ITGA11: variants seen among roughly 807,000 people sequenced by gnomAD.
The protein encoded by ITGA11 is integrin subunit alpha 11.
Under a neutral mutation model 141.9 loss-of-function variants are expected in ITGA11, and 97 were observed. The ratio of observed to expected loss-of-function variants is 0.68; its 90% CI spans 0.58 to 0.81. The LOEUF (loss-of-function observed/expected upper bound fraction) is 0.81. ITGA11 is among the 30% of genes least tolerant of loss of function. The pLI is 0.00. For synonymous variants in ITGA11, 658 were observed against 624.6 expected, an observed-to-expected ratio of 1.05 and a Z score of -0.80; for missense variants, 1,387 against 1,559.2, an observed-to-expected ratio of 0.89 and a Z score of 1.86.
intron 1 of ITGA11, among the ~76,000 whole-genome samples, chr15:68,416,926 A>C (rs984847828): frequency 2.0e-5 from 3 of 152,230 alleles, no homozygotes; most frequent in Admixed American, 2.0e-4. Context: ...CGTAAAAAAC[A>C]AAAACAAGGG....
intron 1 of ITGA11, among the ~76,000 whole-genome samples, chr15:68,430,855 A>C (rs1362092942): frequency 6.6e-6 from 1 of 152,200 alleles, no homozygotes; most frequent in Non-Finnish European, 1.5e-5. Flanking sequence ...CTGTAGGCCG[A>C]CAGGAGGGTG....
At chr15:68,390,846 GTTC>G (rs1440416603) in intron 2 of ITGA11, among the ~76,000 whole-genome samples, 2 of 152,218 alleles carry the variant, frequency 1.3e-5, no homozygotes, top group Non-Finnish European at 2.9e-5. Context: ...TTCTCCCAAG[GTTC>G]TTCTTCCACG....
At chr15:68,423,294 GC>G (rs1338728797) in intron 1 of ITGA11, among the ~76,000 whole-genome samples, 1 of 152,122 alleles carries the variant, frequency 6.6e-6, no homozygotes, top group Non-Finnish European at 1.5e-5. Flanking sequence ...CACAAGTGGG[GC>G]CCCACCTGAC....
chr15:68,413,030 G>A (rs181978465), intron 1 of ITGA11, among the ~76,000 whole-genome samples: 1 of 152,220 alleles, frequency 6.6e-6, no homozygotes, highest in African/African-American at 2.4e-5. Flanking sequence ...TAATCTATTA[G>A]CCTCCAAACT....
At chr15:68,391,209 G>A (rs1896112061) in intron 2 of ITGA11, among the ~76,000 whole-genome samples, 1 of 152,140 alleles carries the variant, frequency 6.6e-6, no homozygotes, top group Non-Finnish European at 1.5e-5. Flanking sequence ...AGCTCTCGGG[G>A]TCCCCAAGGC....
Position 68,297,946 on chromosome 15 carries a change from C to T in ITGA11, c.*5113G>A, listed in dbSNP as rs1346511194. The T allele has an allele frequency of 6.6e-6, 1 of 152,182 alleles. No homozygotes were observed. The highest frequency in any genetic ancestry group is 1.9e-4 in the East Asian group (1 of 5,200). The allele number at this position is 152,182 out of a possible 1,614,324, so 9.4% of individuals were successfully genotyped here. The stretch of plus-strand genomic sequence containing the variant: ...TGAGAGTAGGCTCTGGGTCTCTTGA[C>T]CCACTGAACAGTGCTCTTTCACTGT... On this transcript the variant is annotated 3_prime_UTR_variant, in exon 30 of 30. Coordinates refer to ENST00000315757, the MANE Select transcript of ITGA11 (RefSeq NM_001004439.2).
intron 11 of ITGA11, among the ~76,000 whole-genome samples, chr15:68,336,774 AGT>A (rs751370754): frequency 2.0e-5 from 3 of 152,098 alleles, no homozygotes; most frequent in Non-Finnish European, 2.9e-5. Flanking sequence ...CACGTGTGTG[AGT>A]GTGTGTGTGC....
intron 11 of ITGA11, among the ~76,000 whole-genome samples, chr15:68,339,126 C>G (rs1048680839): frequency 6.6e-6 from 1 of 152,242 alleles, no homozygotes; most frequent in African/African-American, 2.4e-5. Flanking sequence ...TTCCACTCGA[C>G]TTGCGTTTTG....
In ITGA11 at chr15:68,369,808, GCTGCCAT is replaced by G. The variant is rs200982891; in HGVS notation, c.165-531_165-525del. The stretch of plus-strand genomic sequence containing the variant: ...TGGACAAGGCAGCCAGTGGGCGGAA[GCTGCCAT>G]GCAGCTGGGGCTCCTGCCTTGAGCC... On this transcript the variant is annotated intron_variant, in intron 2 of 29. Transcript: ENST00000315757. Among the ~76,000 whole-genome samples the G allele has an allele frequency of 3.9e-3, 587 of 152,366 alleles. 24 individuals carry two copies. In the East Asian group the frequency reaches 0.097, roughly 25 times the overall value.
chr15:68,310,576 G>A (rs906390449), intron 26 of ITGA11, among the ~76,000 whole-genome samples: 3 of 152,204 alleles, frequency 2.0e-5, no homozygotes, highest in African/African-American at 7.2e-5. Flanking sequence ...GGAGGCCCCA[G>A]CTGACGCAGC....
At chr15:68,359,418 G>A (rs1895173415) in intron 5 of ITGA11, among the ~76,000 whole-genome samples, 1 of 152,092 alleles carries the variant, frequency 6.6e-6, no homozygotes, top group Non-Finnish European at 1.5e-5. Flanking sequence ...GTCCGAAGTG[G>A]GTAGATCACC....
chr15:68,345,035 C>T (rs1279646361), intron 10 of ITGA11, among the ~76,000 whole-genome samples: 2 of 152,004 alleles, frequency 1.3e-5, no homozygotes, highest in African/African-American at 4.8e-5. Flanking sequence ...CATGGGATTA[C>T]AGAGTCTTAG....
intron 2 of ITGA11, among the ~76,000 whole-genome samples, chr15:68,390,825 G>A (rs950650912): frequency 6.6e-6 from 1 of 152,232 alleles, no homozygotes; most frequent in Non-Finnish European, 1.5e-5. Context: ...GTTCGGGAAG[G>A]TTGGCAGAGG....
At position 68,406,545 on chromosome 15, in the gene ITGA11, C is replaced by T. The variant is rs142304681; in HGVS notation, c.53-3516G>A. ...TCTTGTCCATCACCAGGCCACCAAA[C>T]ACCCCAGGGATCCCTTCCTGTGCTC... On this transcript the variant is annotated intron_variant, in intron 1 of 29. Coordinates refer to ENST00000315757, the MANE Select transcript of ITGA11 (RefSeq NM_001004439.2). Among the ~76,000 whole-genome samples, 191 of 152,332 alleles carry T rather than the reference C, an allele frequency of 1.3e-3. 1 individual carries two copies. Among genetic ancestry groups the T allele is most frequent in the Non-Finnish European group, 2.2e-3 (150 of 68,028 alleles).
intron 2 of ITGA11, among the ~76,000 whole-genome samples, chr15:68,376,655 T>C (rs2140370489): frequency 6.6e-6 from 1 of 152,366 alleles, no homozygotes; most frequent in African/African-American, 2.4e-5. Context: ...TCTTCCAACA[T>C]GGGTTGACCC....
Position 68,364,777 on chromosome 15 carries a change from A to G in ITGA11, c.287T>C (p.Val96Ala). Residue 96 changes from valine (V) to alanine (A), a missense_variant, in exon 4 of 30, where the codon GTG becomes GCG. Coordinates refer to ENST00000315757, the MANE Select transcript of ITGA11 (RefSeq NM_001004439.2). Reference protein sequence around the residue: ...LNLGRVTLSNVSERKDNMRLG... With the variant: ...LNLGRVTLSNASERKDNMRLG... ...GCGCATGTTGTCTTTCCGCTCGGAC[A>G]CGTTGGACAGGGTGACCCTTCCTGG... 6.2e-7 allele frequency: 1 copy of G among 1,613,734 alleles called. No individual in the cohort carries two copies. The highest frequency in any genetic ancestry group is 8.5e-7 in the Non-Finnish European group (1 of 1,179,804).
intron 1 of ITGA11, among the ~76,000 whole-genome samples, chr15:68,410,626 G>A (rs572778979): frequency 1.2e-4 from 19 of 152,324 alleles, no homozygotes; most frequent in Non-Finnish European, 2.1e-4. Flanking sequence ...TTGCCCTGGC[G>A]AGCAGGGAAC....
chr15:68,430,806 C>T (rs1184480238), intron 1 of ITGA11, among the ~76,000 whole-genome samples: 1 of 152,248 alleles, frequency 6.6e-6, no homozygotes, highest in Non-Finnish European at 1.5e-5. Flanking sequence ...TTCCACTAGC[C>T]AGAGGCCCTT....
At chr15:68,409,155 C>A (rs942338371) in intron 1 of ITGA11, among the ~76,000 whole-genome samples, 7 of 152,184 alleles carry the variant, frequency 4.6e-5, no homozygotes, top group African/African-American at 1.7e-4. Flanking sequence ...TTCTTCCCTT[C>A]GTCCTACGCT....
Sources: gnomAD v4.1 joint callset for allele counts (sites outside exome capture counted in the v4.1 genomes callset) on GRCh38, gnomAD v4.1.1 for gene constraint, MANE v1.5 for transcripts, NCBI Gene and HGNC (gene_info 2026-07-23, HGNC 2026-07-21) for gene names.